Variants in TNPO1 observed in about 807,000 individuals in gnomAD.
TNPO1 encodes the protein transportin 1.
In TNPO1, 8 loss-of-function variants were observed where a neutral mutation model predicts 119.5. The observed-to-expected ratio is 0.07, with a 90% CI of 0.04 to 0.12. The LOEUF (loss-of-function observed/expected upper bound fraction) is 0.12, where lower values mean the gene tolerates loss of function less well. TNPO1 is among the 10% of genes least tolerant of loss of function. The pLI is 1.00. For missense variants in TNPO1, 576 were observed against 1,089.8 expected (o/e 0.53, Z 6.64); for synonymous variants, 362 against 363.0 (o/e 1.00, Z 0.03).
intron 6 of TNPO1, among the ~76,000 whole-genome samples, chr5:72,870,373 C>T (rs1747296112): frequency 6.6e-6 from 1 of 151,978 alleles, no homozygotes; most frequent in African/African-American, 2.4e-5. Flanking sequence ...TGTTGGCCAG[C>T]CTGGTCTCCA....
At chr5:72,900,752 A>G in intron 21 of TNPO1, 1 of 339,072 alleles carries the variant, frequency 2.9e-6, no homozygotes, top group Non-Finnish European at 5.4e-6. Context: ...TATAAATGCA[A>G]TTTATTAAGA....
chr5:72,902,920 A>G (rs1749898208), intron 22 of TNPO1, among the ~76,000 whole-genome samples: 1 of 152,156 alleles, frequency 6.6e-6, no homozygotes, highest in South Asian at 2.1e-4. Context: ...ACATACACAC[A>G]CTGTAGTATT....
chr5:72,822,569 C>T (rs1205242251), intron 1 of TNPO1, among the ~76,000 whole-genome samples: 1 of 151,496 alleles, frequency 6.6e-6, no homozygotes, highest in Non-Finnish European at 1.5e-5. Context: ...CTCTGGCATT[C>T]CATTCATAAA....
At chr5:72,889,150 C>T (rs557315965) in intron 13 of TNPO1, among the ~76,000 whole-genome samples, 153 of 152,222 alleles carry the variant, frequency 1.0e-3, no homozygotes, top group African/African-American at 3.4e-3. Flanking sequence ...CTCCGCCTCT[C>T]GGGTTCAAGC....
intron 6 of TNPO1, chr5:72,871,861 G>C (rs377435087): frequency 1.1e-3 from 174 of 152,288 alleles, no homozygotes; most frequent in African/African-American, 4.0e-3. Flanking sequence ...TATGTCCCAT[G>C]GAGCCAAATT....
At chr5:72,855,382 C>T (rs1400691017) in intron 3 of TNPO1, among the ~76,000 whole-genome samples, 3 of 152,010 alleles carry the variant, frequency 2.0e-5, no homozygotes, top group Non-Finnish European at 4.4e-5. Context: ...GCACAGTGGC[C>T]ATATATATAA....
chr5:72,867,138 T>C (rs1214713178), intron 6 of TNPO1, among the ~76,000 whole-genome samples: 1 of 151,154 alleles, frequency 6.6e-6, no homozygotes, highest in African/African-American at 2.4e-5. Flanking sequence ...GCCACTGTGC[T>C]CTAGCCTGAG....
At chr5:72,842,250 G>C (rs537016724) in intron 1 of TNPO1, among the ~76,000 whole-genome samples, 2 of 152,248 alleles carry the variant, frequency 1.3e-5, no homozygotes, top group South Asian at 4.1e-4. Context: ...GTATTTATGA[G>C]TAGTTTCCCA....
At chr5:72,845,522 A>G (rs140095590) in intron 1 of TNPO1, among the ~76,000 whole-genome samples, 3 of 152,292 alleles carry the variant, frequency 2.0e-5, no homozygotes, top group African/African-American at 7.2e-5. Context: ...GATAAATGTT[A>G]TGTATGTAGA....
intron 1 of TNPO1, among the ~76,000 whole-genome samples, chr5:72,835,564 G>A (rs752663979): frequency 6.6e-6 from 1 of 152,220 alleles, no homozygotes; most frequent in East Asian, 1.9e-4. Context: ...TTTGATAAGG[G>A]TATTAATCCC....
chr5:72,848,834 A>G (rs939779079), intron 2 of TNPO1, among the ~76,000 whole-genome samples: 12 of 149,904 alleles, frequency 8.0e-5, no homozygotes, highest in Admixed American at 7.3e-4. Context: ...CCCGCCGCTG[A>G]CCTGCCGCGG....
intron 1 of TNPO1, among the ~76,000 whole-genome samples, chr5:72,845,149 A>G (rs1266167372): frequency 6.6e-6 from 1 of 151,004 alleles, no homozygotes; most frequent in Middle Eastern, 3.4e-3. Context: ...TTAGTGTAGT[A>G]TGGAGTATCA....
chr5:72,832,632 T>C (rs920203103), intron 1 of TNPO1, among the ~76,000 whole-genome samples: 1 of 152,160 alleles, frequency 6.6e-6, no homozygotes, highest in Non-Finnish European at 1.5e-5. Flanking sequence ...GAGAGTAAAT[T>C]GCCACTGTCC....
At chr5:72,888,409 T>G (rs1360712774) in intron 13 of TNPO1, 106 bp downstream of exon 13, 1 of 1,022,664 alleles carries the variant, frequency 9.8e-7, no homozygotes, top group African/African-American at 1.6e-5. Flanking sequence ...GTTTCGTAAT[T>G]GAAAATTTTC....
intron 13 of TNPO1, 93 bp downstream of exon 13, chr5:72,888,396 A>T (rs1748809233): frequency 3.6e-6 from 4 of 1,116,344 alleles, no homozygotes; most frequent in Non-Finnish European, 5.1e-6. Flanking sequence ...CCTATAATGA[A>T]GTGTTTCGTA....
Position 72,851,209 on chromosome 5 carries a change from C to T in TNPO1, c.130-35C>T, listed in dbSNP as rs951158816. 7 of 1,269,336 alleles carry T rather than the reference C, an allele frequency of 5.5e-6. No homozygotes were observed. In the African/African-American group the frequency reaches 1.0e-4, roughly 19 times the overall value. The allele number at this position is 1,269,336 out of a possible 1,614,324, so 78.6% of individuals were successfully genotyped here. On this transcript the variant is annotated intron_variant, in intron 2 of 24. Transcript: ENST00000337273. ...AATGCTTAATTTCTTCCTGAGATTA[C>T]ACAGAGAAGTTTCCTTAACTACTGT...
rs145164123 is a variant in TNPO1 at position 72,883,377 on chromosome 5, A to G, written c.1150+145A>G. On this transcript the variant is annotated intron_variant, in intron 11 of 24. Coordinates refer to ENST00000337273, the MANE Select transcript of TNPO1 (RefSeq NM_002270.4). ...TTCAGAGAGCTGTTCAACCATTACCACAATCAGTTGTAGACTATGTTTTCA... is the reference window on the plus strand; with the variant it reads ...TTCAGAGAGCTGTTCAACCATTACCGCAATCAGTTGTAGACTATGTTTTCA... 2,230 of 618,978 alleles carry G rather than the reference A, an allele frequency of 3.6e-3. 9 individuals carry two copies. The highest frequency in any genetic ancestry group is 4.7e-3 in the Non-Finnish European group (1,577 of 338,506). The allele number at this position is 618,978 out of a possible 1,614,324, so 38.3% of individuals were successfully genotyped here.
intron 20 of TNPO1, among the ~76,000 whole-genome samples, chr5:72,897,478 C>T (rs1392125046): frequency 7.8e-6 from 1 of 127,446 alleles, no homozygotes; most frequent in African/African-American, 2.6e-5. Context: ...TAACTGGGAG[C>T]TGGGAAGTAA....
At position 72,833,305 on chromosome 5, in the gene TNPO1, G is replaced by T. The variant is rs577778762; in HGVS notation, c.16-15080G>T. On this transcript the variant is annotated intron_variant, in intron 1 of 24. Coordinates refer to ENST00000337273, the MANE Select transcript of TNPO1 (RefSeq NM_002270.4). ...CAAGATGTTTTTGCTTTAAGTGGAA[G>T]AATTTGAATGTTTTAGGGAGTTCGT... 7.2e-5 allele frequency among the ~76,000 whole-genome samples: 11 copies of T among 152,248 alleles called. No individual in the cohort carries two copies. In the South Asian group the frequency reaches 2.1e-3, roughly 29 times the overall value.
Sources: allele counts gnomAD v4.1 joint callset (sites outside exome capture counted in the v4.1 genomes callset), GRCh38; gene constraint gnomAD v4.1.1; transcripts MANE v1.5; gene names NCBI Gene and HGNC (gene_info 2026-07-23, HGNC 2026-07-21).